Variants in MCC observed in about 807,000 individuals in gnomAD.
MCC encodes the protein MCC regulator of Wnt signaling pathway, also known as colorectal mutant cancer protein.
In MCC, 90 loss-of-function variants were observed where a neutral mutation model predicts 116.2. The observed-to-expected ratio is 0.77, with a 90% CI of 0.65 to 0.92. The LOEUF is 0.92. MCC is among the 40% of genes least tolerant of loss of function. The pLI, the probability that MCC is intolerant of heterozygous loss-of-function variation, is 0.00. For missense variants in MCC, 1,516 were observed against 1,312.2 expected (o/e 1.16, Z -2.40); for synonymous variants, 578 against 510.5 (o/e 1.13, Z -1.78).
Position 113,119,726 on chromosome 5 carries a change from G to GGGCAGAGAACATGTGTC in MCC, c.1027+2941_1027+2957dup, listed in dbSNP as rs1345682255. On this transcript the variant is annotated intron_variant, in intron 6 of 18. Transcript: ENST00000408903. ...TGAAAAAAAAAAAGCTTCTATGTGT[G>GGGCAGAGAACATGTGTC]GGCAGAGAACATGTGTCAACACTGG... Among the ~76,000 whole-genome samples, 3 of 152,130 alleles carry GGGCAGAGAACATGTGTC rather than the reference G, an allele frequency of 2.0e-5. No homozygotes were observed. In the East Asian group the frequency reaches 5.8e-4, roughly 29 times the overall value.
chr5:113,259,817 C>T (rs574707363), intron 3 of MCC, among the ~76,000 whole-genome samples: 13 of 152,180 alleles, frequency 8.5e-5, no homozygotes, highest in African/African-American at 2.4e-4. Context: ...TTGCAACCTC[C>T]AGCATAAATG....
intron 3 of MCC, among the ~76,000 whole-genome samples, chr5:113,273,560 T>C (rs929507016): frequency 6.6e-6 from 1 of 152,076 alleles, no homozygotes; most frequent in Non-Finnish European, 1.5e-5. Context: ...TACAAACTTG[T>C]AGGGGAAGCA....
intron 3 of MCC, among the ~76,000 whole-genome samples, chr5:113,317,982 CT>C (rs1159718639): frequency 3.9e-5 from 6 of 152,078 alleles, no homozygotes; most frequent in African/African-American, 1.2e-4. Flanking sequence ...GACCTAAATG[CT>C]TTATGAATCA....
chr5:113,352,744 G>A (rs1030516108), intron 2 of MCC, among the ~76,000 whole-genome samples: 8 of 152,036 alleles, frequency 5.3e-5, no homozygotes, highest in African/African-American at 1.4e-4. Flanking sequence ...AGATGAGGAA[G>A]GGGCTCCTTT....
intron 3 of MCC, among the ~76,000 whole-genome samples, chr5:113,197,991 T>C (rs1438705035): frequency 6.6e-6 from 1 of 152,190 alleles, no homozygotes; most frequent in Non-Finnish European, 1.5e-5. Flanking sequence ...GTGCAAGCTA[T>C]GGAATGGTGC....
chr5:113,235,960 A>C (rs1764113659), intron 3 of MCC, among the ~76,000 whole-genome samples: 1 of 152,212 alleles, frequency 6.6e-6, no homozygotes, highest in Non-Finnish European at 1.5e-5. Context: ...TAGAGAGTTC[A>C]GAAGATTGAG....
intron 14 of MCC, among the ~76,000 whole-genome samples, chr5:113,057,773 A>G (rs1752935465): frequency 1.3e-5 from 2 of 152,256 alleles, no homozygotes; most frequent in South Asian, 4.1e-4. Flanking sequence ...CAAATCATCA[A>G]CACTGATGTG....
intron 5 of MCC, among the ~76,000 whole-genome samples, chr5:113,138,249 G>T (rs566800076): frequency 1.1e-4 from 16 of 152,264 alleles, no homozygotes; most frequent in African/African-American, 3.6e-4. Flanking sequence ...GTCCTCAAGT[G>T]ATCTGCCTGC....
At chr5:113,115,093 A>T (rs1757320814) in intron 6 of MCC, among the ~76,000 whole-genome samples, 2 of 152,062 alleles carry the variant, frequency 1.3e-5, no homozygotes, top group Non-Finnish European at 1.5e-5. Context: ...GGGGTCACAG[A>T]TCCTCCCCCC....
chr5:113,151,425 G>A lies in MCC; in HGVS notation c.628-3C>T. 1 of 1,551,922 alleles carries A rather than the reference G, an allele frequency of 6.4e-7. No homozygotes were observed. Among genetic ancestry groups the A allele is most frequent in the Non-Finnish European group, 8.9e-7 (1 of 1,126,506 alleles). On this transcript the variant is annotated splice_region_variant and splice_polypyrimidine_tract_variant and intron_variant, in intron 3 of 18. Transcript: ENST00000408903. Reference sequence around the variant, plus strand: ...GATGCCAGGGCTGCTGAATGGAGCTGTGGTGACAGAAAGGAGGAGATTAGA... The same window carrying A: ...GATGCCAGGGCTGCTGAATGGAGCTATGGTGACAGAAAGGAGGAGATTAGA...
intron 15 of MCC, 28 bp from the exon 16 acceptor site, chr5:113,049,327 G>A (rs1204055063): frequency 2.6e-6 from 4 of 1,533,604 alleles, no homozygotes; most frequent in Admixed American, 4.0e-5. Context: ...CAGAGCACAT[G>A]AGGCATGCCC....
At chr5:113,289,086 A>T (rs535966831) in intron 3 of MCC, among the ~76,000 whole-genome samples, 2 of 152,146 alleles carry the variant, frequency 1.3e-5, no homozygotes, top group Admixed American at 6.5e-5. Flanking sequence ...CAATCCCAAC[A>T]CTTTGGGAGG....
At chr5:113,211,908 C>T (rs958955513) in intron 3 of MCC, among the ~76,000 whole-genome samples, 3 of 152,168 alleles carry the variant, frequency 2.0e-5, no homozygotes, top group African/African-American at 7.2e-5. Flanking sequence ...TGCCTAATAG[C>T]AAACTTTTAA....
chr5:113,230,734 G>C (rs934976147), intron 3 of MCC, among the ~76,000 whole-genome samples: 2 of 152,178 alleles, frequency 1.3e-5, no homozygotes, highest in African/African-American at 4.8e-5. Context: ...AATGAGGAAA[G>C]AATCCCAGTG....
chr5:113,304,796 G>C (rs114154915), intron 3 of MCC, among the ~76,000 whole-genome samples: 3 of 152,058 alleles, frequency 2.0e-5, no homozygotes, highest in African/African-American at 7.2e-5. Flanking sequence ...CCTCCCAGGA[G>C]TACCTGCATA....
At chr5:113,361,074 C>G (rs1027899741) in intron 2 of MCC, among the ~76,000 whole-genome samples, 3 of 152,172 alleles carry the variant, frequency 2.0e-5, no homozygotes, top group Non-Finnish European at 2.9e-5. Context: ...TCCTCCAAAC[C>G]TCAACCAGCA....
intron 3 of MCC, among the ~76,000 whole-genome samples, chr5:113,188,791 C>T (rs373821499): frequency 2.0e-5 from 3 of 152,316 alleles, no homozygotes; most frequent in African/African-American, 4.8e-5. Context: ...CAGGGCCACA[C>T]AGCTGGTCAG....
At chr5:113,474,782 A>G (rs1243869094) in intron 1 of MCC, among the ~76,000 whole-genome samples, 1 of 152,254 alleles carries the variant, frequency 6.6e-6, no homozygotes, top group Non-Finnish European at 1.5e-5. Flanking sequence ...TATAATAAAT[A>G]TAAAATTGCC....
intron 2 of MCC, among the ~76,000 whole-genome samples, chr5:113,368,983 T>C (rs998861532): frequency 6.6e-6 from 1 of 152,212 alleles, no homozygotes; most frequent in African/African-American, 2.4e-5. Context: ...CAGGGAAACA[T>C]GTTTACCAGT....
Sources: gnomAD v4.1 joint callset for allele counts (sites outside exome capture counted in the v4.1 genomes callset) on GRCh38, gnomAD v4.1.1 for gene constraint, MANE v1.5 for transcripts, NCBI Gene and HGNC (gene_info 2026-07-23, HGNC 2026-07-21) for gene names.